ZNF254: variants seen among roughly 807,000 people sequenced by gnomAD.
ZNF254 encodes the protein zinc finger protein 254.
ZNF254 carries 10 observed loss-of-function variants against 12.4 expected under a neutral mutation model. The observed-to-expected ratio is 0.80, with a 90% CI of 0.50 to 1.36. ZNF254 has a LOEUF of 1.36. Among genes scored for constraint, ZNF254 ranks in the 40% most tolerant of loss-of-function variants. ZNF254 has a pLI of 0.00. For missense variants in ZNF254, 996 were observed against 763.9 expected (o/e 1.30, Z -3.58); for synonymous variants, 305 against 253.4 (o/e 1.20, Z -1.93).
rs1975081802 is a variant in ZNF254, at chr19:24,129,104, A to G, written c.*1124A>G. ...AATGTAAGATGCGTGAGGAAAATTT[A>G]GGTAGAGAGGCTCTTTGTGGTTAAC... is the stretch of plus-strand genomic sequence containing the variant. On this transcript the variant is annotated 3_prime_UTR_variant, in exon 4 of 4. Transcript: ENST00000357002. The G allele has an allele frequency of 6.6e-6, 1 of 152,024 alleles. No homozygotes were observed. Among genetic ancestry groups the G allele is most frequent in the African/African-American group, 2.4e-5 (1 of 41,436 alleles). 9.4% of individuals were successfully genotyped at this position (152,024 alleles called of 1,614,324 possible). A position where few individuals can be genotyped will look rare whatever the true frequency, so the allele number is the denominator to read the frequency against.
chr19:24,090,157 C>T (rs1972284927), intron 1 of ZNF254, among the ~76,000 whole-genome samples: 2 of 152,168 alleles, frequency 1.3e-5, no homozygotes, highest in South Asian at 4.2e-4. Context: ...GATATCACGC[C>T]ACTGCACTCC....
At chr19:24,071,786 CT>C (rs1971490720) in intron 2 of ZNF254, among the ~76,000 whole-genome samples, 1 of 152,138 alleles carries the variant, frequency 6.6e-6, no homozygotes, top group Non-Finnish European at 1.5e-5. Flanking sequence ...TGACTCTCCT[CT>C]GCTTCTACAG....
intron 3 of ZNF254, 158 bp downstream of exon 3, chr19:24,106,801 T>C (rs1363952223): frequency 2.6e-5 from 13 of 492,738 alleles, no homozygotes; most frequent in Non-Finnish European, 4.6e-5. Context: ...TAGGGGCATC[T>C]TCTGCTTATG....
chr19:24,070,010 T>C (rs911176243), intron 2 of ZNF254, among the ~76,000 whole-genome samples: 1 of 152,200 alleles, frequency 6.6e-6, no homozygotes, highest in Non-Finnish European at 1.5e-5. Flanking sequence ...CTGAATCTCA[T>C]ATGCAGATGC....
rs201165548 is a variant in ZNF254 at position 24,100,682 on chromosome 19, C to CT, written c.31-5245dup. 3.3e-3 allele frequency among the ~76,000 whole-genome samples: 434 copies of CT among 133,506 alleles called. 2 individuals carry two copies. Among genetic ancestry groups the CT allele is most frequent in the Middle Eastern group, 7.8e-3 (2 of 258 alleles). The allele number at this position is 133,506 out of a possible 152,430, so 87.6% of individuals were successfully genotyped here. On this transcript the variant is annotated intron_variant, in intron 1 of 3. Coordinates refer to ENST00000357002, the MANE Select transcript of ZNF254 (RefSeq NM_203282.4). ...CAAAGAAGTTTGTATGTCTCTCTCT[C>CT]TTTTTTTTTTTTTGCCTTCACAAAT...
chr19:24,075,591 A>G (rs1173540117), intron 2 of ZNF254, among the ~76,000 whole-genome samples: 3 of 151,714 alleles, frequency 2.0e-5, no homozygotes, highest in African/African-American at 4.8e-5. Context: ...AAATATCACA[A>G]GGCAAATGGG....
intron 2 of ZNF254, among the ~76,000 whole-genome samples, chr19:24,069,132 G>C (rs911879630): frequency 1.3e-5 from 2 of 151,794 alleles, no homozygotes; most frequent in Non-Finnish European, 2.9e-5. Flanking sequence ...TCAGCCTCCC[G>C]AGTAGCTGGG....
intron 2 of ZNF254, among the ~76,000 whole-genome samples, chr19:24,056,923 T>C (rs905437971): frequency 6.6e-6 from 1 of 152,142 alleles, no homozygotes; most frequent in African/African-American, 2.4e-5. Context: ...CCAGATGATA[T>C]AAGTCTCCTG....
intron 2 of ZNF254, among the ~76,000 whole-genome samples, chr19:24,072,872 C>T (rs1971529679): frequency 6.6e-6 from 1 of 152,154 alleles, no homozygotes; most frequent in Admixed American, 6.6e-5. Flanking sequence ...TATTTCTGAC[C>T]CAGCACCCAG....
At chr19:24,073,579 A>G (rs1035847663) in intron 2 of ZNF254, among the ~76,000 whole-genome samples, 21 of 152,200 alleles carry the variant, frequency 1.4e-4, no homozygotes, top group African/African-American at 4.8e-4. Flanking sequence ...TTCCACATGA[A>G]TACAGCTCAC....
In ZNF254 at chr19:24,127,104, T is replaced by A. The variant is rs752184235; in HGVS notation, c.1104T>A (p.His368Gln). Residue 368 changes from histidine to glutamine, a missense_variant, in exon 4 of 4, where the codon CAT (histidine) becomes CAA (glutamine). Physicochemically the swap from His to Gln is conservative, Grantham distance 24. Coordinates refer to ENST00000357002, the MANE Select transcript of ZNF254 (RefSeq NM_203282.4). Reference protein sequence around the residue: ...AFSQSSTLTTHKIIHTGEKRY... With the variant: ...AFSQSSTLTTQKIIHTGEKRY... ...GCCAGTCCTCAACCCTTACTACACA[T>A]AAGATAATTCATACTGGAGAGAAAC... 9.9e-6 allele frequency: 16 copies of A among 1,613,204 alleles called. No individual in the cohort carries two copies. Among genetic ancestry groups the A allele is most frequent in the African/African-American group, 1.3e-5 (1 of 74,754 alleles).
intron 2 of ZNF254, among the ~76,000 whole-genome samples, chr19:24,049,213 TA>T (rs11297188): frequency 0.013 from 621 of 47,100 alleles, 2 homozygotes; most frequent in Non-Finnish European, 0.023. Context: ...TATATATATA[TA>T]TTTTTTTTTT....
At chr19:24,081,517 G>T (rs774923528) in intron 2 of ZNF254, among the ~76,000 whole-genome samples, 2 of 152,086 alleles carry the variant, frequency 1.3e-5, no homozygotes, top group Non-Finnish European at 2.9e-5. Context: ...CTACTCATTT[G>T]GGAATAAATT....
At chr19:24,039,309 A>G (rs964175880) in intron 1 of ZNF254, among the ~76,000 whole-genome samples, 1 of 152,250 alleles carries the variant, frequency 6.6e-6, no homozygotes, top group Non-Finnish European at 1.5e-5. Flanking sequence ...GTAAAGAAGC[A>G]TGTTAGCCAA....
intron 3 of ZNF254, among the ~76,000 whole-genome samples, chr19:24,120,653 C>T (rs936903614): frequency 2.7e-5 from 4 of 149,134 alleles, no homozygotes; most frequent in Non-Finnish European, 4.4e-5. Flanking sequence ...TTTAGCATTT[C>T]TTTGTTGTTG....
chr19:24,128,029 A>G lies in ZNF254; in HGVS notation c.*49A>G. 1.4e-6 allele frequency: 2 copies of G among 1,476,520 alleles called. No individual in the cohort carries two copies. Among genetic ancestry groups the G allele is most frequent in the Middle Eastern group, 1.8e-4 (1 of 5,500 alleles). 91.5% of individuals were successfully genotyped at this position (1,476,520 alleles called of 1,614,324 possible). A position where few individuals can be genotyped will look rare whatever the true frequency, so the allele number is the denominator to read the frequency against. The stretch of plus-strand genomic sequence containing the variant: ...ACCCTCAATTCTTAATAGATATAAG[A>G]TTATTCCTACTGGAGAGAAACTACA... On this transcript the variant is annotated 3_prime_UTR_variant, in exon 4 of 4. Coordinates refer to ENST00000357002, the MANE Select transcript of ZNF254 (RefSeq NM_203282.4).
intron 1 of ZNF254, among the ~76,000 whole-genome samples, chr19:24,036,200 C>T (rs966193472): frequency 1.3e-5 from 2 of 151,910 alleles, no homozygotes; most frequent in Non-Finnish European, 2.9e-5. Flanking sequence ...GTAGCTGGGA[C>T]TATAGGCGCC....
At chr19:24,122,644 C>T (rs761121835) in intron 3 of ZNF254, among the ~76,000 whole-genome samples, 1 of 152,136 alleles carries the variant, frequency 6.6e-6, no homozygotes, top group Non-Finnish European at 1.5e-5. Context: ...TTTCATTTTA[C>T]ATAATGCCAT....
At chr19:24,119,021 A>G (rs532021619) in intron 3 of ZNF254, among the ~76,000 whole-genome samples, 87 of 152,040 alleles carry the variant, frequency 5.7e-4, no homozygotes, top group Non-Finnish European at 9.4e-4. Flanking sequence ...CTGAGGAAGG[A>G]GAATAACTTA....
Sources: allele counts gnomAD v4.1 joint callset (sites outside exome capture counted in the v4.1 genomes callset), GRCh38; gene constraint gnomAD v4.1.1; transcripts MANE v1.5; gene names NCBI Gene and HGNC (gene_info 2026-07-23, HGNC 2026-07-21).